SDR42E2: variants seen among roughly 807,000 people sequenced by gnomAD.
SDR42E2 encodes short chain dehydrogenase/reductase family 42E, member 2, also known as putative short-chain dehydrogenase/reductase family 42E member 2.
In SDR42E2, 20 loss-of-function variants were observed where a neutral mutation model predicts 10.5. The ratio of observed to expected loss-of-function variants is 1.90; its 90% CI spans 1.34 to 2.77. SDR42E2 has a LOEUF of 2.77. Among genes scored for constraint, SDR42E2 ranks in the 30% most tolerant of loss-of-function variants. The probability of loss-of-function intolerance (pLI) is 0.00; values close to 1 mark genes in which losing one functional copy is unlikely to be tolerated. For missense variants in SDR42E2, 162 were observed against 104.2 expected, an observed-to-expected ratio of 1.55 and a Z score of -2.42; for synonymous variants, 72 against 39.2, an observed-to-expected ratio of 1.84 and a Z score of -3.12.
At position 22,163,365 on chromosome 16, in the gene SDR42E2, C is replaced by G. The variant is rs192654473; in HGVS notation, c.-37+801C>G. On this transcript the variant is annotated intron_variant, in intron 1 of 12. Transcript: ENST00000602312. ...GGGCTGCATCCTCTCCTCTCCCTCT[C>G]GGGGATTTAGGCCCCTGCTCATGAT... Among the ~76,000 whole-genome samples, 29 of 152,226 alleles carry G rather than the reference C, an allele frequency of 1.9e-4. No homozygotes were observed. The East Asian group carries it at 4.8e-3, about 25-fold the overall frequency.
In SDR42E2 at chr16:22,190,170, A is replaced by G. The variant is rs1422248133; in HGVS notation, c.1046A>G (p.Gln349Arg). ...VRSVAVTHTF[Q>R]IAKARAQLGY... ...AGCGTGGCCGTGACGCACACCTTCCAGATAGCCAAGGCCCGCGCCCAGCTC... is the reference window on the plus strand; with the variant it reads ...AGCGTGGCCGTGACGCACACCTTCCGGATAGCCAAGGCCCGCGCCCAGCTC... Residue 349 changes from glutamine to arginine, a missense_variant, in exon 13 of 13, where the codon CAG (glutamine) becomes CGG (arginine). Transcript: ENST00000602312. The G allele has an allele frequency of 5.0e-6, 2 of 401,012 alleles. No homozygotes were observed. The highest frequency in any genetic ancestry group is 2.1e-5 in the African/African-American group (1 of 48,686). 24.8% of individuals were successfully genotyped at this position (401,012 alleles called of 1,614,324 possible). A position where few individuals can be genotyped will look rare whatever the true frequency, so the allele number is the denominator to read the frequency against.
At chr16:22,181,901 C>G (rs2046698788) in intron 9 of SDR42E2, among the ~76,000 whole-genome samples, 1 of 152,192 alleles carries the variant, frequency 6.6e-6, no homozygotes, top group African/African-American at 2.4e-5. Flanking sequence ...TAACAGCTGC[C>G]AGATGCTAAG....
In SDR42E2 at chr16:22,162,539, C is replaced by T. The variant is rs2046506658; in HGVS notation, c.-62C>T. On this transcript the variant is annotated 5_prime_UTR_variant, in exon 1 of 13. It adds an upstream start codon to the 5' untranslated region. Transcript: ENST00000602312. ...GGAGACTGGCGCAGCGCGGGGAGCA[C>T]GCAGCGCCGCGGGAGCCCGGGCCAG... 6.6e-6 allele frequency among the ~76,000 whole-genome samples: 1 copy of T among 152,132 alleles called. No homozygotes were observed.
chr16:22,190,701 A>T lies in SDR42E2; in HGVS notation c.*308A>T, dbSNP rs982809912. On this transcript the variant is annotated 3_prime_UTR_variant, in exon 13 of 13. Coordinates refer to ENST00000602312, the MANE Select transcript of SDR42E2 (RefSeq NM_001394319.2). ...CTGCTCCGCCCCCTGAATCCTGGCCACGTCCCTGGTCGGCCCAGACGCGTA... is the reference window on the plus strand; with the variant it reads ...CTGCTCCGCCCCCTGAATCCTGGCCTCGTCCCTGGTCGGCCCAGACGCGTA... 6.6e-6 allele frequency: 2 copies of T among 303,256 alleles called. No individual in the cohort carries two copies. The highest frequency in any genetic ancestry group is 1.1e-5 in the Non-Finnish European group (2 of 177,658). The allele number at this position is 303,256 out of a possible 1,614,324, so 18.8% of individuals were successfully genotyped here.
intron 7 of SDR42E2, among the ~76,000 whole-genome samples, chr16:22,175,737 A>G (rs2046639560): frequency 6.6e-6 from 1 of 152,128 alleles, no homozygotes; most frequent in Non-Finnish European, 1.5e-5. Context: ...TTACGCCTGT[A>G]ATCCCAGCAC....
intron 11 of SDR42E2, among the ~76,000 whole-genome samples, chr16:22,186,067 C>T (rs1355910233): frequency 6.6e-6 from 1 of 151,778 alleles, no homozygotes; most frequent in African/African-American, 2.4e-5. Context: ...TTAAATTGGT[C>T]CCACATGCAG....
rs998950610 is a variant in SDR42E2, at chr16:22,190,552, C to A, written c.*159C>A. 3 of 399,826 alleles carry A rather than the reference C, an allele frequency of 7.5e-6. No homozygotes were observed. The highest frequency in any genetic ancestry group is 6.2e-5 in the African/African-American group (3 of 48,422). 24.8% of individuals were successfully genotyped at this position (399,826 alleles called of 1,614,324 possible). A position where few individuals can be genotyped will look rare whatever the true frequency, so the allele number is the denominator to read the frequency against. ...TCACGCCCCCGAGCCGCTCTCCAGA[C>A]CTAGCCCGGACCGCCGACTTCTGGC... On this transcript the variant is annotated 3_prime_UTR_variant, in exon 13 of 13. Coordinates refer to ENST00000602312, the MANE Select transcript of SDR42E2 (RefSeq NM_001394319.2).
chr16:22,175,808 C>T (rs2046640120), intron 7 of SDR42E2, among the ~76,000 whole-genome samples: 2 of 152,062 alleles, frequency 1.3e-5, no homozygotes, highest in Admixed American at 6.6e-5. Flanking sequence ...GCCTGGCCAA[C>T]ATAGCGAAGC....
chr16:22,174,688 C>G (rs2046629969), intron 7 of SDR42E2, among the ~76,000 whole-genome samples: 1 of 152,094 alleles, frequency 6.6e-6, no homozygotes, highest in Non-Finnish European at 1.5e-5. Flanking sequence ...CCTCTGCCAG[C>G]CAGCCCAGTA....
chr16:22,191,366 C>T lies in SDR42E2; in HGVS notation c.*973C>T, dbSNP rs1033185073. On this transcript the variant is annotated 3_prime_UTR_variant, in exon 13 of 13. Transcript: ENST00000602312. ...CGCCCCCTCCCTCTCTGGCTTCACCCCTTTCCAGCTCCGCCTCCCGGGTAG... is the reference window on the plus strand; with the variant it reads ...CGCCCCCTCCCTCTCTGGCTTCACCTCTTTCCAGCTCCGCCTCCCGGGTAG... The T allele has an allele frequency of 1.3e-5, 2 of 152,750 alleles. No individual in the cohort carries two copies. Among genetic ancestry groups the T allele is most frequent in the Non-Finnish European group, 2.9e-5 (2 of 68,250 alleles). The allele number at this position is 152,750 out of a possible 1,614,324, so 9.5% of individuals were successfully genotyped here.
intron 8 of SDR42E2, 30 bp from the exon 9 acceptor site, chr16:22,181,489 G>A: frequency 1.4e-6 from 1 of 702,904 alleles, no homozygotes; most frequent in South Asian, 1.5e-5. Flanking sequence ...CCGGACACAA[G>A]CCTGTTTATC....
rs2142087169 is a variant in SDR42E2 at position 22,191,104 on chromosome 16, G to C, written c.*711G>C. Reference sequence around the variant, plus strand: ...GCCCTGCCCCTTTTTTCCTCCCTCCGGCCTGTCCGGTTTCTGATATGGGCC... The same window carrying C: ...GCCCTGCCCCTTTTTTCCTCCCTCCCGCCTGTCCGGTTTCTGATATGGGCC... On this transcript the variant is annotated 3_prime_UTR_variant, in exon 13 of 13. Coordinates refer to ENST00000602312, the MANE Select transcript of SDR42E2 (RefSeq NM_001394319.2). The C allele has an allele frequency of 6.6e-6, 1 of 152,114 alleles. No individual in the cohort carries two copies. Among genetic ancestry groups the C allele is most frequent in the African/African-American group, 2.5e-5 (1 of 40,738 alleles). The allele number at this position is 152,114 out of a possible 1,614,324, so 9.4% of individuals were successfully genotyped here.
At position 22,170,844 on chromosome 16, in the gene SDR42E2, C is replaced by T. The variant is rs1253513760; in HGVS notation, c.406C>T (p.Arg136Trp). ...ACCTGCTGCTGCAGTCTGTGTTCGC[C>T]GGCGGGTTCCAAGGCTCATCTATAC... is the stretch of plus-strand genomic sequence containing the variant. The part of the protein sequence containing the change: ...TKLVIDVCVR[R>W]RVPRLIYTST... Residue 136 changes from arginine to tryptophan, a missense_variant, in exon 6 of 13, where the codon CGG (arginine) becomes TGG (tryptophan). By Grantham distance (101) the Arg-to-Trp change is moderately radical. Transcript: ENST00000602312. The T allele has an allele frequency of 8.5e-6, 6 of 702,910 alleles. No homozygotes were observed. Among genetic ancestry groups the T allele is most frequent in the Admixed American group, 4.0e-5 (2 of 49,980 alleles). 43.5% of individuals were successfully genotyped at this position (702,910 alleles called of 1,614,324 possible). A position where few individuals can be genotyped will look rare whatever the true frequency, so the allele number is the denominator to read the frequency against.
At chr16:22,171,122 C>T (rs1397257139) in intron 6 of SDR42E2, among the ~76,000 whole-genome samples, 171 bp downstream of exon 6, 1 of 152,212 alleles carries the variant, frequency 6.6e-6, no homozygotes, top group Non-Finnish European at 1.5e-5. Context: ...TTGGTCACAC[C>T]TGCAGGGGCA....
chr16:22,173,905 G>GTATA (rs770541596), intron 7 of SDR42E2, among the ~76,000 whole-genome samples: 7,857 of 115,016 alleles, frequency 0.068, 412 homozygotes, highest in South Asian at 0.14. Flanking sequence ...ATGTGTGTGT[G>GTATA]TATATATATA....
chr16:22,164,082 G>A (rs1567235386), intron 1 of SDR42E2, among the ~76,000 whole-genome samples: 1 of 140,348 alleles, frequency 7.1e-6, no homozygotes, highest in Non-Finnish European at 1.6e-5. Context: ...GGGGTGGGGG[G>A]ATGGACGATG....
chr16:22,165,164 T>G (rs1274313552), intron 1 of SDR42E2, among the ~76,000 whole-genome samples: 1 of 152,198 alleles, frequency 6.6e-6, no homozygotes, highest in Non-Finnish European at 1.5e-5. Flanking sequence ...CTCAGCTCAC[T>G]GCAACCTCCG....
At chr16:22,190,111 C>T in intron 12 of SDR42E2, 28 bp from the exon 13 acceptor site, 10 of 401,164 alleles carry the variant, frequency 2.5e-5, no homozygotes, top group Non-Finnish European at 3.1e-5. Context: ...ACGAGGCCCG[C>T]CCTCGGATGC....
intron 6 of SDR42E2, 26 bp downstream of exon 6, chr16:22,170,977 C>T (rs1318358627): frequency 1.4e-6 from 1 of 702,574 alleles, no homozygotes; most frequent in Non-Finnish European, 2.6e-6. Context: ...GAGAGGTGGG[C>T]AGGACCCGCG....
Sources: gnomAD v4.1 joint callset for allele counts (sites outside exome capture counted in the v4.1 genomes callset) on GRCh38, gnomAD v4.1.1 for gene constraint, MANE v1.5 for transcripts, NCBI Gene and HGNC (gene_info 2026-07-23, HGNC 2026-07-21) for gene names.